Variants in CASZ1 observed in about 807,000 individuals in gnomAD.
The protein encoded by CASZ1 is zinc finger protein castor homolog 1.
In CASZ1, 28 loss-of-function variants were observed where a neutral mutation model predicts 135.2. The observed-to-expected ratio is 0.21, with a 90% CI of 0.15 to 0.28. CASZ1 has a LOEUF of 0.28. Ranked by LOEUF, CASZ1 falls within the 10% of genes least tolerant of loss-of-function variation. The pLI, the probability that CASZ1 is intolerant of heterozygous loss-of-function variation, is 1.00. For synonymous variants in CASZ1, 1,068 were observed against 1,073.4 expected (o/e 0.99, Z 0.10); for missense variants, 2,161 against 2,453.3 (o/e 0.88, Z 2.52).
intron 9 of CASZ1, among the ~76,000 whole-genome samples, chr1:10,655,442 G>A (rs1438519548): frequency 1.3e-5 from 2 of 152,248 alleles, no homozygotes; most frequent in Non-Finnish European, 2.9e-5. Context: ...GCCCCACCCT[G>A]GCCCACCAGA....
At chr1:10,641,494 G>T (rs1306178455) in intron 20 of CASZ1, among the ~76,000 whole-genome samples, 2 of 152,192 alleles carry the variant, frequency 1.3e-5, no homozygotes, top group Non-Finnish European at 2.9e-5. Flanking sequence ...GGGATGGGAG[G>T]TGCCTCTGCC....
chr1:10,694,538 G>C lies in CASZ1; in HGVS notation c.-23-626C>G, dbSNP rs1443984406. 1 of 141,682 alleles carries C rather than the reference G, an allele frequency of 7.1e-6. No individual in the cohort carries two copies. Among genetic ancestry groups the C allele is most frequent in the Admixed American group, 7.0e-5 (1 of 14,380 alleles). The allele number at this position is 141,682 out of a possible 1,614,324, so 8.8% of individuals were successfully genotyped here. A position where few individuals can be genotyped will look rare whatever the true frequency, so the allele number is the denominator to read the frequency against. On this transcript the variant is annotated intron_variant, in intron 3 of 20. Coordinates refer to ENST00000377022, the MANE Select transcript of CASZ1 (RefSeq NM_001079843.3). The surrounding 1 kb of genome is among the most constrained non-coding windows in gnomAD (Gnocchi z 6.6). ...AGGGCGGCCGCGGCGCCGCCTCCTC[G>C]GCCCGGCCCGCGCCGGCCCCGGCAG...
At chr1:10,659,486 G>A (rs931729065) in intron 6 of CASZ1, among the ~76,000 whole-genome samples, 1 of 152,252 alleles carries the variant, frequency 6.6e-6, no homozygotes, top group African/African-American at 2.4e-5. Flanking sequence ...GCATGGTTCT[G>A]TAGGTGCAAG....
intron 2 of CASZ1, among the ~76,000 whole-genome samples, chr1:10,737,973 A>G (rs957106095): frequency 6.6e-5 from 10 of 152,262 alleles, no homozygotes; most frequent in Admixed American, 3.3e-4. Context: ...CACTCATTCC[A>G]CAAATAGTCA....
intron 2 of CASZ1, among the ~76,000 whole-genome samples, chr1:10,712,767 C>G (rs995611291): frequency 6.6e-6 from 1 of 152,206 alleles, no homozygotes; most frequent in Middle Eastern, 3.2e-3. Context: ...GGCTGCCGTT[C>G]CCGGCACACA....
intron 2 of CASZ1, among the ~76,000 whole-genome samples, chr1:10,716,502 G>C (rs960443450): frequency 6.6e-6 from 1 of 152,358 alleles, no homozygotes; most frequent in South Asian, 2.1e-4. Context: ...TGGACCATCT[G>C]GGGGGATACT....
chr1:10,765,582 G>A lies in CASZ1; in HGVS notation c.-233-4725C>T, dbSNP rs1640460113. Among the ~76,000 whole-genome samples the A allele has an allele frequency of 2.0e-5, 3 of 152,156 alleles. No homozygotes were observed. In the South Asian group the frequency reaches 6.2e-4, roughly 32 times the overall value. On this transcript the variant is annotated intron_variant, in intron 1 of 20. Transcript: ENST00000377022. The stretch of plus-strand genomic sequence containing the variant: ...ACATACACAATGAGCCAAAACAAGG[G>A]CGGCCAACATGCAGATCGGTCCAGG...
At chr1:10,692,791 G>C (rs918920913) in intron 4 of CASZ1, among the ~76,000 whole-genome samples, 4 of 152,168 alleles carry the variant, frequency 2.6e-5, no homozygotes, top group African/African-American at 9.7e-5. Context: ...GGGTCCCAAG[G>C]GCCGATGCTG....
intron 4 of CASZ1, among the ~76,000 whole-genome samples, chr1:10,668,134 G>GTC (rs1341991545): frequency 1.3e-5 from 2 of 152,156 alleles, no homozygotes; most frequent in African/African-American, 4.8e-5. Context: ...GCTTAGGTTT[G>GTC]TAAGTGCGAG....
chr1:10,702,522 G>A lies in CASZ1; in HGVS notation c.-24+2970C>T, dbSNP rs74643996. ...TCCAAGCCAGCCCCATCAGTCACTT[G>A]TTAGAGAGTCCCAAGGGCAGAAGGC... On this transcript the variant is annotated intron_variant, in intron 3 of 20. Transcript: ENST00000377022. Among the ~76,000 whole-genome samples the A allele has an allele frequency of 4.1e-3, 618 of 152,338 alleles. 4 individuals are homozygous for A. The highest frequency in any genetic ancestry group is 0.014 in the African/African-American group (575 of 41,572).
chr1:10,708,068 A>G (rs918327749), intron 2 of CASZ1, among the ~76,000 whole-genome samples: 3 of 152,038 alleles, frequency 2.0e-5, no homozygotes, highest in Non-Finnish European at 4.4e-5. Flanking sequence ...CATCCATCCA[A>G]TGTTCCTAAT....
At chr1:10,659,403 T>C (rs1044602776) in intron 6 of CASZ1, among the ~76,000 whole-genome samples, 25 of 151,638 alleles carry the variant, frequency 1.6e-4, no homozygotes, top group African/African-American at 5.8e-4. Context: ...CGTGTGTGGG[T>C]GGCGTGTGTG....
chr1:10,653,794 T>C lies in CASZ1; in HGVS notation c.2263A>G (p.Thr755Ala). Residue 755 changes from threonine to alanine, a missense_variant, in exon 11 of 21, where the codon ACT becomes GCT. By Grantham distance (58) the Thr-to-Ala change is moderately conservative. This residue lies in a region of CASZ1 where 406 missense variants were observed against 387.6 expected (regional missense o/e 1.05). Coordinates refer to ENST00000377022, the MANE Select transcript of CASZ1 (RefSeq NM_001079843.3). Reference sequence around the variant, plus strand: ...CTGGGCCCAGCCTCGGTGGCGGCAGTGGCGGCAGCCAGGGACGCAGAGGAC... The same window carrying C: ...CTGGGCCCAGCCTCGGTGGCGGCAGCGGCGGCAGCCAGGGACGCAGAGGAC... The part of the protein sequence containing the change: ...QQSSASLAAA[T>A]AATEAGPSAT... 2 of 1,609,944 alleles carry C rather than the reference T, an allele frequency of 1.2e-6. No homozygotes were observed. Among genetic ancestry groups the C allele is most frequent in the Non-Finnish European group, 1.7e-6 (2 of 1,177,872 alleles).
Position 10,660,455 on chromosome 1 carries a change from G to A in CASZ1, c.587C>T (p.Thr196Met), listed in dbSNP as rs1412420306. ...GATCTTCCTGGCCAGCTCGTCCCGC[G>A]TGTTCTGGTCATCATAGCCAAACAT... ...LGMFGYDDQNTRDELARKISF... is the reference protein window; with the variant it reads ...LGMFGYDDQNMRDELARKISF... Residue 196 changes from threonine (T) to methionine (M), a missense_variant, in exon 6 of 21, where the codon ACG becomes ATG. Around this residue, in one of 7 missense-constraint regions of CASZ1, gnomAD observed 590 missense variants for 609.8 expected, o/e 0.97. Coordinates refer to ENST00000377022, the MANE Select transcript of CASZ1 (RefSeq NM_001079843.3). 5 of 1,614,154 alleles carry A rather than the reference G, an allele frequency of 3.1e-6. No individual in the cohort carries two copies. The South Asian group carries it at 4.4e-5, about 14-fold the overall frequency.
rs1440352886 is a variant in CASZ1 at position 10,721,528 on chromosome 1, G to A, written c.-76-15984C>T. Among the ~76,000 whole-genome samples the A allele has an allele frequency of 1.3e-5, 2 of 152,206 alleles. No individual in the cohort carries two copies. Among genetic ancestry groups the A allele is most frequent in the East Asian group, 3.9e-4 (2 of 5,152 alleles). On this transcript the variant is annotated intron_variant, in intron 2 of 20. Coordinates refer to ENST00000377022, the MANE Select transcript of CASZ1 (RefSeq NM_001079843.3). This position sits in a 1 kb window ranked among gnomAD's most constrained non-coding sequence, Gnocchi z 5.4. ...ATAGGATCTCCTCCATTCCCGGCTC[G>A]CAGGGAGCTTGAAACCAGGACTGGT...
intron 1 of CASZ1, among the ~76,000 whole-genome samples, chr1:10,764,433 A>G (rs1640436185): frequency 6.6e-6 from 1 of 152,268 alleles, no homozygotes; most frequent in Non-Finnish European, 1.5e-5. Context: ...GGTATGAACC[A>G]GTCAGATGCC....
intron 2 of CASZ1, among the ~76,000 whole-genome samples, chr1:10,715,593 C>T (rs1639365337): frequency 6.8e-6 from 1 of 147,590 alleles, no homozygotes; most frequent in Non-Finnish European, 1.5e-5. Flanking sequence ...AGCACCCAAT[C>T]CGCACCCCAC....
rs910644284 is a variant in CASZ1, at chr1:10,639,890, C to T, written c.4332G>A (p.Lys1444=). 2 of 1,612,786 alleles carry T rather than the reference C, an allele frequency of 1.2e-6. No individual in the cohort carries two copies. The highest frequency in any genetic ancestry group is 1.7e-6 in the Non-Finnish European group (2 of 1,179,928). Residue 1444 remains lysine, a synonymous_variant, in exon 21 of 21, where the codon AAG becomes AAA. Transcript: ENST00000377022. The surrounding 1 kb of genome is among the most constrained non-coding windows in gnomAD (Gnocchi z 4.0). Reference sequence around the variant, plus strand: ...TGAGCGAGAACTGACAAGCTGCGTCCTTGCAGTCCTCGTAAAGGTCGAAGC... The same window carrying T: ...TGAGCGAGAACTGACAAGCTGCGTCTTTGCAGTCCTCGTAAAGGTCGAAGC... ...FRRFDLYEDC[K]DAACQFSLKV...
chr1:10,643,882 C>G (rs1297812695), intron 18 of CASZ1, among the ~76,000 whole-genome samples: 1 of 152,238 alleles, frequency 6.6e-6, no homozygotes, highest in East Asian at 1.9e-4. Flanking sequence ...AAAAACACCA[C>G]AAGTTGAGTA....
Sources: allele counts gnomAD v4.1 joint callset (sites outside exome capture counted in the v4.1 genomes callset), GRCh38; gene constraint gnomAD v4.1.1; regional missense constraint gnomAD v4.1.1; non-coding constraint Gnocchi (gnomAD v3.1); transcripts MANE v1.5; gene names NCBI Gene and HGNC (gene_info 2026-07-23, HGNC 2026-07-21).